USP37: variants seen among roughly 807,000 people sequenced by gnomAD.
USP37 encodes the protein ubiquitin carboxyl-terminal hydrolase 37.
A neutral mutation model predicts 124.0 loss-of-function variants in USP37; 27 were observed. The ratio of observed to expected loss-of-function variants is 0.22; its 90% confidence interval spans 0.16 to 0.30. The LOEUF is 0.30. Ranked by LOEUF, USP37 falls within the 10% of genes least tolerant of loss-of-function variation. The pLI is 1.00. For synonymous variants in USP37, 365 were observed against 388.0 expected, an observed-to-expected ratio of 0.94 and a Z score of 0.70; for missense variants, 889 against 1,140.4, an observed-to-expected ratio of 0.78 and a Z score of 3.17.
intron 11 of USP37, chr2:218,498,383 G>C (rs115191988): frequency 3.2e-6 from 1 of 308,388 alleles, no homozygotes; most frequent in Non-Finnish European, 5.9e-6. Context: ...ACTAGATCAC[G>C]TTGATGCTGC....
intron 4 of USP37, among the ~76,000 whole-genome samples, chr2:218,554,747 A>C (rs1448850465): frequency 2.2e-5 from 1 of 44,680 alleles, no homozygotes; most frequent in Admixed American, 3.5e-4. Flanking sequence ...ACTTTGTCTC[A>C]AAAAAAAAAA....
chr2:218,461,014 T>A (rs1689990657), intron 22 of USP37, among the ~76,000 whole-genome samples: 1 of 152,188 alleles, frequency 6.6e-6, no homozygotes, highest in Admixed American at 6.6e-5. Flanking sequence ...CCTTTAACTC[T>A]TAAATTTCAC....
chr2:218,565,886 T>C (rs1693571044), intron 1 of USP37, among the ~76,000 whole-genome samples: 1 of 151,998 alleles, frequency 6.6e-6, no homozygotes, highest in Non-Finnish European at 1.5e-5. Context: ...TTGTCTCCAT[T>C]AGAAATACAA....
At chr2:218,555,627 C>G (rs1458633581) in intron 4 of USP37, among the ~76,000 whole-genome samples, 2 of 152,118 alleles carry the variant, frequency 1.3e-5, no homozygotes, top group African/African-American at 4.8e-5. Flanking sequence ...TCTTGAACTT[C>G]GACACTTCAA....
At chr2:218,501,228 C>G (rs1359652965) in intron 11 of USP37, among the ~76,000 whole-genome samples, 1 of 151,734 alleles carries the variant, frequency 6.6e-6, no homozygotes. Context: ...TTTGTAGAGA[C>G]AGAATTTTGT....
intron 11 of USP37, among the ~76,000 whole-genome samples, chr2:218,507,592 G>T (rs1036921082): frequency 6.6e-6 from 1 of 152,028 alleles, no homozygotes; most frequent in Admixed American, 6.6e-5. Flanking sequence ...TATGGAAGTG[G>T]CCTGCTTTTT....
At chr2:218,560,058 T>C (rs1693231476) in intron 3 of USP37, among the ~76,000 whole-genome samples, 1 of 151,956 alleles carries the variant, frequency 6.6e-6, no homozygotes, top group South Asian at 2.1e-4. Flanking sequence ...ACTCTTCAAA[T>C]TAGCTTTTGC....
At chr2:218,518,590 T>C (rs1394265565) in intron 10 of USP37, among the ~76,000 whole-genome samples, 1 of 152,224 alleles carries the variant, frequency 6.6e-6, no homozygotes, top group African/African-American at 2.4e-5. Context: ...TTTTACTTCT[T>C]ACTGGAAGCT....
At chr2:218,565,149 C>G (rs756819035) in intron 1 of USP37, among the ~76,000 whole-genome samples, 1 of 152,166 alleles carries the variant, frequency 6.6e-6, no homozygotes, top group Non-Finnish European at 1.5e-5. Flanking sequence ...TATCGAACTC[C>G]GGGGCTCAAG....
intron 5 of USP37, among the ~76,000 whole-genome samples, chr2:218,552,534 G>A (rs752953535): frequency 6.6e-6 from 1 of 151,948 alleles, no homozygotes; most frequent in Non-Finnish European, 1.5e-5. Flanking sequence ...GGGAAACAGA[G>A]TGGAATCTTG....
At position 218,474,668 on chromosome 2, in the gene USP37, G is replaced by A. The variant is rs777925857; in HGVS notation, c.2261C>T (p.Thr754Ile). 2.5e-6 allele frequency: 4 copies of A among 1,614,150 alleles called. No individual in the cohort carries two copies. Among genetic ancestry groups the A allele is most frequent in the Middle Eastern group, 1.6e-4 (1 of 6,062 alleles). Residue 754 changes from threonine (T) to isoleucine (I), a missense_variant, in exon 20 of 26, where the codon ACT becomes ATT. Around this residue, in one of 3 missense-constraint regions of USP37, gnomAD observed 504 missense variants for 714.3 expected, o/e 0.71. Coordinates refer to ENST00000258399, the MANE Select transcript of USP37 (RefSeq NM_020935.3). ...DIQEMPENPD[T>I]METEKPKTIT... ...TGTTTTGGGCTTCTCAGTTTCCATA[G>A]TGTCTGGATTTTCTGGCATTTCTTG...
intron 5 of USP37, among the ~76,000 whole-genome samples, chr2:218,551,893 C>T (rs748098716): frequency 5.3e-5 from 8 of 151,900 alleles, no homozygotes; most frequent in Non-Finnish European, 1.5e-5. Context: ...CCCGGGTTCA[C>T]GCCATTCTTC....
intron 20 of USP37, among the ~76,000 whole-genome samples, chr2:218,467,275 G>C (rs1239133202): frequency 6.7e-6 from 1 of 149,708 alleles, no homozygotes; most frequent in African/African-American, 2.5e-5. Context: ...CTCCTGAGTA[G>C]CTGGGACTAC....
chr2:218,458,648 T>C (rs1478428431), intron 23 of USP37, among the ~76,000 whole-genome samples: 4 of 152,094 alleles, frequency 2.6e-5, no homozygotes, highest in African/African-American at 4.8e-5. Flanking sequence ...CTTATTATCA[T>C]AGTGAAAAAT....
chr2:218,460,286 C>CATA (rs1489452225), intron 22 of USP37, among the ~76,000 whole-genome samples: 2 of 151,084 alleles, frequency 1.3e-5, no homozygotes, highest in Non-Finnish European at 2.9e-5. Flanking sequence ...TTGGAATAGA[C>CATA]ATAACAGATA....
rs185288695 is a variant in USP37, at chr2:218,475,037, A to C, written c.2044-152T>G. 8.2e-6 allele frequency: 5 copies of C among 606,522 alleles called. No individual in the cohort carries two copies. In the East Asian group the frequency reaches 1.2e-4, roughly 15 times the overall value. 37.6% of individuals were successfully genotyped at this position (606,522 alleles called of 1,614,324 possible). ...AATCAATAACCAATATATAAACTAA[A>C]TGGTGAGTCTAACTTTAAAAATAAT... On this transcript the variant is annotated intron_variant, in intron 19 of 25. Transcript: ENST00000258399.
chr2:218,541,580 G>C (rs1209834373), intron 8 of USP37, among the ~76,000 whole-genome samples: 2 of 152,140 alleles, frequency 1.3e-5, no homozygotes, highest in Non-Finnish European at 2.9e-5. Context: ...AAGATGAGCA[G>C]AAGTGTTAAT....
intron 4 of USP37, among the ~76,000 whole-genome samples, chr2:218,558,154 G>C (rs1019141707): frequency 2.0e-5 from 3 of 151,936 alleles, no homozygotes; most frequent in African/African-American, 7.2e-5. Context: ...AAATAGTGAT[G>C]AATCCATCGT....
chr2:218,484,680 T>G (rs1175472515), intron 16 of USP37, among the ~76,000 whole-genome samples: 1 of 151,972 alleles, frequency 6.6e-6, no homozygotes, highest in Non-Finnish European at 1.5e-5. Flanking sequence ...ACTCCCATTT[T>G]CTAGAAAGGA....
Sources: allele counts gnomAD v4.1 joint callset (sites outside exome capture counted in the v4.1 genomes callset), GRCh38; gene constraint gnomAD v4.1.1; regional missense constraint gnomAD v4.1.1; transcripts MANE v1.5; gene names NCBI Gene and HGNC (gene_info 2026-07-23, HGNC 2026-07-21).